CAPSL: variants seen among roughly 807,000 people sequenced by gnomAD.
The protein encoded by CAPSL is calcyphosin-like protein.
CAPSL carries 17 observed loss-of-function variants against 21.3 expected under a neutral mutation model. That is an observed-to-expected ratio of 0.80 (90% CI 0.55 to 1.20). CAPSL has a LOEUF of 1.20. CAPSL is among the 50% of genes most tolerant of loss of function. The pLI, the probability that CAPSL is intolerant of heterozygous loss-of-function variation, is 0.00. For missense variants in CAPSL, 289 were observed against 259.3 expected, an observed-to-expected ratio of 1.11 and a Z score of -0.79; for synonymous variants, 102 against 89.3, an observed-to-expected ratio of 1.14 and a Z score of -0.80.
At chr5:35,909,825 G>C (rs763138649) in intron 4 of CAPSL, 41 bp downstream of exon 4, 1 of 1,517,662 alleles carries the variant, frequency 6.6e-7, no homozygotes, top group Admixed American at 2.0e-5. Flanking sequence ...TTACAATTTC[G>C]AATTGAAGAA....
rs766437484 is a variant in CAPSL, at chr5:35,904,519, C to T, written c.*26G>A. 8 of 1,558,916 alleles carry T rather than the reference C, an allele frequency of 5.1e-6. No homozygotes were observed. Among genetic ancestry groups the T allele is most frequent in the Non-Finnish European group, 7.1e-6 (8 of 1,132,624 alleles). ...GTCATTTGGAGCCACATGGCTGTCC[C>T]AGGGCCTGGTCCCCAGGTCATGTGC... On this transcript the variant is annotated 3_prime_UTR_variant, in exon 5 of 5. Coordinates refer to ENST00000651391, the MANE Select transcript of CAPSL (RefSeq NM_001042625.2).
At chr5:35,920,584 C>T (rs11955690) in intron 2 of CAPSL, among the ~76,000 whole-genome samples, 62,050 of 151,952 alleles carry the variant, frequency 0.41, 13,114 homozygotes, top group African/African-American at 0.46. Flanking sequence ...AATGATTGCC[C>T]GAGAGCAAAA....
chr5:35,910,180 A>G, intron 3 of CAPSL, 105 bp from the exon 4 acceptor site: 2 of 1,159,854 alleles, frequency 1.7e-6, no homozygotes, highest in Admixed American at 2.6e-5. Flanking sequence ...GTGAAATAAT[A>G]TTTGTGTGCT....
intron 4 of CAPSL, among the ~76,000 whole-genome samples, chr5:35,908,323 T>G (rs896642888): frequency 6.6e-6 from 1 of 152,202 alleles, no homozygotes; most frequent in African/African-American, 2.4e-5. Flanking sequence ...GAGTTGGGTA[T>G]CAATACAGGG....
At chr5:35,925,068 A>T (rs1738636786) in intron 1 of CAPSL, among the ~76,000 whole-genome samples, 1 of 152,224 alleles carries the variant, frequency 6.6e-6, no homozygotes, top group Admixed American at 6.5e-5. Context: ...CTCCCGACGC[A>T]CTTGGCCGCA....
chr5:35,938,655 G>T (rs1047599615), upstream of CAPSL: 2 of 152,984 alleles, frequency 1.3e-5, no homozygotes, highest in Non-Finnish European at 2.9e-5. Flanking sequence ...CCTCTTACCT[G>T]TCTTCCTCAG....
At chr5:35,920,723 CT>C (rs763974474) in intron 2 of CAPSL, among the ~76,000 whole-genome samples, 55 of 152,358 alleles carry the variant, frequency 3.6e-4, no homozygotes, top group Middle Eastern at 6.8e-3. Context: ...AGGGCACATG[CT>C]GCTTCTCCCT....
intron 2 of CAPSL, among the ~76,000 whole-genome samples, chr5:35,912,931 AC>A (rs1738270002): frequency 6.6e-6 from 1 of 152,164 alleles, no homozygotes; most frequent in African/African-American, 2.4e-5. Flanking sequence ...GGAAGTTTGC[AC>A]CCATGGCAAA....
chr5:35,907,352 T>G (rs1760701423), intron 4 of CAPSL, among the ~76,000 whole-genome samples: 1 of 152,198 alleles, frequency 6.6e-6, no homozygotes. Context: ...GATGAGGCAA[T>G]AGACTGATAT....
At position 35,936,628 on chromosome 5, in the gene CAPSL, C is replaced by T. The variant is rs183265767; in HGVS notation, c.-1+1913G>A. 2.1e-3 allele frequency among the ~76,000 whole-genome samples: 325 copies of T among 152,210 alleles called. 1 individual carries two copies. The highest frequency in any genetic ancestry group is 7.2e-3 in the African/African-American group (301 of 41,532). The stretch of plus-strand genomic sequence containing the variant: ...ATTGGTCATTCTTCCTTTTTAACAC[C>T]CTTTCTCTCAATGGCTATAAATCTA... On this transcript the variant is annotated intron_variant, in intron 1 of 4. Transcript: ENST00000651391.
rs1554069748 is a variant in CAPSL, at chr5:35,919,170, A to ATTATATATATATATATAT, written c.137+1813_137+1814insATATATATATATATATAA. 1.4e-3 allele frequency among the ~76,000 whole-genome samples: 169 copies of ATTATATATATATATATAT among 121,256 alleles called. 1 individual carries two copies. Among genetic ancestry groups the ATTATATATATATATATAT allele is most frequent in the African/African-American group, 4.7e-3 (159 of 33,832 alleles). The allele number at this position is 121,256 out of a possible 152,430, so 79.5% of individuals were successfully genotyped here. A position where few individuals can be genotyped will look rare whatever the true frequency, so the allele number is the denominator to read the frequency against. On this transcript the variant is annotated intron_variant, in intron 2 of 4. Coordinates refer to ENST00000651391, the MANE Select transcript of CAPSL (RefSeq NM_001042625.2). ...AGTATCTTTCCTGATTAAAAAAAAA[A>ATTATATATATATATATAT]ATATATATATATATATATATAAAAA...
chr5:35,912,830 C>T (rs1217025248), intron 2 of CAPSL, among the ~76,000 whole-genome samples: 8 of 152,214 alleles, frequency 5.3e-5, no homozygotes, highest in Admixed American at 5.2e-4. Context: ...AGCACAGCTC[C>T]TCACCAGCAA....
intron 1 of CAPSL, among the ~76,000 whole-genome samples, chr5:35,921,757 T>C (rs1169322876): frequency 6.6e-6 from 1 of 152,080 alleles, no homozygotes; most frequent in East Asian, 1.9e-4. Context: ...GGAAGAGCAC[T>C]TAGCTGGGGG....
At chr5:35,934,314 T>C (rs1256968213) in intron 1 of CAPSL, among the ~76,000 whole-genome samples, 1 of 152,228 alleles carries the variant, frequency 6.6e-6, no homozygotes, top group Non-Finnish European at 1.5e-5. Context: ...ATACCTTCCA[T>C]CCAGACACCC....
At chr5:35,907,922 T>C (rs534148710) in intron 4 of CAPSL, among the ~76,000 whole-genome samples, 19 of 152,314 alleles carry the variant, frequency 1.2e-4, no homozygotes, top group African/African-American at 4.1e-4. Context: ...AACAACAATT[T>C]CTTGTGCATT....
intron 2 of CAPSL, among the ~76,000 whole-genome samples, chr5:35,919,160 T>TTTAAAA (rs139738118): frequency 1.5e-5 from 2 of 129,204 alleles, no homozygotes; most frequent in Admixed American, 8.1e-5. Flanking sequence ...CTTTCCTGAT[T>TTTAAAA]AAAAAAAAAA....
chr5:35,918,504 C>G (rs1043625232), intron 2 of CAPSL, among the ~76,000 whole-genome samples: 12 of 152,002 alleles, frequency 7.9e-5, no homozygotes, highest in Non-Finnish European at 1.6e-4. Flanking sequence ...GGAGAAATAC[C>G]TAATGTAGAT....
chr5:35,909,974 T>C lies in CAPSL; in HGVS notation c.417A>G (p.Val139=), dbSNP rs1176746053. The C allele has an allele frequency of 6.2e-7, 1 of 1,613,952 alleles. No homozygotes were observed. Among genetic ancestry groups the C allele is most frequent in the Non-Finnish European group, 8.5e-7 (1 of 1,179,912 alleles). ...ACTTTGGGTGGTGTTTTGCATTATA[T>C]ACTTCACGAAGGTCTTCGATTGTTA... ...GVITIEDLRE[V]YNAKHHPKYQ... Residue 139 remains valine (V), a synonymous_variant, in exon 4 of 5, where the codon GTA becomes GTG. Coordinates refer to ENST00000651391, the MANE Select transcript of CAPSL (RefSeq NM_001042625.2).
intron 2 of CAPSL, among the ~76,000 whole-genome samples, chr5:35,919,173 AT>A (rs1464864861): frequency 4.0e-4 from 55 of 137,138 alleles, no homozygotes; most frequent in African/African-American, 1.4e-3. Context: ...AAAAAAAAAT[AT>A]ATATATATAT....
Sources: gnomAD v4.1 joint callset for allele counts (sites outside exome capture counted in the v4.1 genomes callset) on GRCh38, gnomAD v4.1.1 for gene constraint, MANE v1.5 for transcripts, NCBI Gene and HGNC (gene_info 2026-07-23, HGNC 2026-07-21) for gene names.